Variants in SLC26A8 observed in about 807,000 individuals in gnomAD.
SLC26A8 encodes testis anion transporter 1.
Under a neutral mutation model 105.0 loss-of-function variants are expected in SLC26A8, and 70 were observed. That is an observed-to-expected ratio of 0.67 (90% confidence interval 0.55 to 0.81). SLC26A8 has a LOEUF of 0.81. SLC26A8 is among the 40% of genes least tolerant of loss of function. SLC26A8 has a pLI of 0.00. For synonymous variants in SLC26A8, 415 were observed against 438.3 expected, an observed-to-expected ratio of 0.95 and a Z score of 0.66; for missense variants, 998 against 1,181.8, an observed-to-expected ratio of 0.84 and a Z score of 2.28.
chr6:35,981,018 A>G lies in SLC26A8; in HGVS notation c.1025+1103T>C, dbSNP rs780805043. On this transcript the variant is annotated intron_variant, in intron 8 of 19. Transcript: ENST00000490799. The surrounding 1 kb of genome is among the most constrained non-coding windows in gnomAD (Gnocchi z 4.0). ...AGAGCAAGACTTGTCTCAAAAAGAAAAAAAAAAGCCTACATTTTGTGATCC... is the reference window on the plus strand; with the variant it reads ...AGAGCAAGACTTGTCTCAAAAAGAAGAAAAAAAGCCTACATTTTGTGATCC... 9.9e-5 allele frequency among the ~76,000 whole-genome samples: 15 copies of G among 152,034 alleles called. No homozygotes were observed. The highest frequency in any genetic ancestry group is 1.9e-4 in the Non-Finnish European group (13 of 67,982).
chr6:35,960,866 TA>T lies in SLC26A8; in HGVS notation c.1614del (p.Tyr538Ter). 6.2e-7 allele frequency: 1 copy of T among 1,614,186 alleles called. No individual in the cohort carries two copies. Among genetic ancestry groups the T allele is most frequent in the Non-Finnish European group, 8.5e-7 (1 of 1,180,042 alleles). On this transcript the variant is annotated frameshift_variant, in exon 14 of 20. Transcript: ENST00000490799. LOFTEE classifies it high-confidence loss of function. ...ACCTCCCGATAATCATTGATGCTTC[TA>T]TAAATGTTGGTGTTAGGGATTTGAC... The part of the protein sequence containing the change: ...LLGQIPNTNI[Y>X]RSINDYREII...
chr6:35,944,296 G>A lies in SLC26A8; in HGVS notation c.2517C>T (p.Ser839=). Residue 839 remains serine, a synonymous_variant, in exon 20 of 20, where the codon AGC becomes AGT. Coordinates refer to ENST00000490799, the MANE Select transcript of SLC26A8 (RefSeq NM_052961.4). ...TGAAGCCTGGACTTACATTTTTTTG[G>A]CTTCCTAGAAAACTGCTGCTCATTT... ...RYKMSSSFLG[S]QKNVSPGFIK... is the part of the protein sequence containing the mutation. The A allele has an allele frequency of 5.0e-6, 8 of 1,613,686 alleles. No homozygotes were observed. Among genetic ancestry groups the A allele is most frequent in the Non-Finnish European group, 6.8e-6 (8 of 1,179,894 alleles).
Position 35,992,746 on chromosome 6 carries a change from G to T in SLC26A8, c.628-72C>A, listed in dbSNP as rs1761210497. The T allele has an allele frequency of 3.5e-6, 5 of 1,445,854 alleles. No homozygotes were observed. In the East Asian group the frequency reaches 1.2e-4, roughly 34 times the overall value. 89.6% of individuals were successfully genotyped at this position (1,445,854 alleles called of 1,614,324 possible). ...GCAATGGCACCAATGGCACTCTCCA[G>T]GAAAAGAAGGGTTTCCAATAGAAAA... On this transcript the variant is annotated intron_variant, in intron 5 of 19. Coordinates refer to ENST00000490799, the MANE Select transcript of SLC26A8 (RefSeq NM_052961.4).
At chr6:35,992,734 T>C in intron 5 of SLC26A8, 60 bp from the exon 6 acceptor site, 4 of 1,497,414 alleles carry the variant, frequency 2.7e-6, no homozygotes, top group Non-Finnish European at 3.6e-6. Context: ...ATGGCACCAA[T>C]GGCACTCTCC....
chr6:36,020,057 C>G lies in SLC26A8; in HGVS notation c.-2-348G>C, dbSNP rs73729672. 9.3e-3 allele frequency among the ~76,000 whole-genome samples: 1,410 copies of G among 152,304 alleles called. 17 individuals carry two copies. Among genetic ancestry groups the G allele is most frequent in the African/African-American group, 0.032 (1,334 of 41,560 alleles). ...GTGGACAGTATTAATCAACAATTTT[C>G]ACTGAAAATGCTCACTATCCAGCAT... On this transcript the variant is annotated intron_variant, in intron 1 of 19. Transcript: ENST00000490799.
Position 36,019,903 on chromosome 6 carries a change from AC to A in SLC26A8, c.-2-195del, listed in dbSNP as rs1762090017. Among the ~76,000 whole-genome samples the A allele has an allele frequency of 2.0e-5, 3 of 152,180 alleles. No individual in the cohort carries two copies. The South Asian group carries it at 6.2e-4, about 32-fold the overall frequency. ...TCATTTTTCAAATGGAGACAACAAA[AC>A]CCAGAAGTTTAAACAGTCTTTGCTG... On this transcript the variant is annotated intron_variant, in intron 1 of 19. Transcript: ENST00000490799.
intron 3 of SLC26A8, among the ~76,000 whole-genome samples, chr6:36,006,662 A>T (rs550794601): frequency 6.6e-6 from 1 of 152,344 alleles, no homozygotes; most frequent in South Asian, 2.1e-4. Flanking sequence ...TTGCAGCACC[A>T]TAGGAATATG....
Position 35,943,684 on chromosome 6 carries a change from G to T in SLC26A8, c.*216C>A. ...CTGAAGGTGAAATGAGGGGAGCCTG[G>T]ATAGGGAATTCAGAGATAATTGTTG... On this transcript the variant is annotated 3_prime_UTR_variant, in exon 20 of 20. Coordinates refer to ENST00000490799, the MANE Select transcript of SLC26A8 (RefSeq NM_052961.4). 3 of 618,038 alleles carry T rather than the reference G, an allele frequency of 4.9e-6. No individual in the cohort carries two copies. Among genetic ancestry groups the T allele is most frequent in the Non-Finnish European group, 8.0e-6 (3 of 373,692 alleles). The allele number at this position is 618,038 out of a possible 1,614,324, so 38.3% of individuals were successfully genotyped here. A position where few individuals can be genotyped will look rare whatever the true frequency, so the allele number is the denominator to read the frequency against.
At chr6:35,989,272 G>A (rs541029629) in intron 7 of SLC26A8, among the ~76,000 whole-genome samples, 4 of 152,042 alleles carry the variant, frequency 2.6e-5, no homozygotes, top group Non-Finnish European at 5.9e-5. Context: ...TTTCCACATG[G>A]GCAGCCACTA....
intron 19 of SLC26A8, among the ~76,000 whole-genome samples, chr6:35,948,568 G>A (rs1057236058): frequency 3.9e-5 from 6 of 152,038 alleles, no homozygotes; most frequent in East Asian, 1.9e-4. Context: ...CAGACTGGGC[G>A]ACAAAGTGAG....
intron 17 of SLC26A8, among the ~76,000 whole-genome samples, chr6:35,951,929 T>A (rs747258087): frequency 1.3e-5 from 2 of 152,196 alleles, no homozygotes; most frequent in Non-Finnish European, 2.9e-5. Flanking sequence ...GGGGTATATG[T>A]ACCTTGCATC....
chr6:35,987,809 G>A (rs1242621257), intron 7 of SLC26A8, among the ~76,000 whole-genome samples: 8 of 152,046 alleles, frequency 5.3e-5, no homozygotes, highest in Non-Finnish European at 1.0e-4. Flanking sequence ...AGGTGCAGGG[G>A]ACACATGATT....
At chr6:36,018,490 G>A (rs1239220514) in intron 2 of SLC26A8, among the ~76,000 whole-genome samples, 1 of 152,162 alleles carries the variant, frequency 6.6e-6, no homozygotes, top group African/African-American at 2.4e-5. Flanking sequence ...AAGCAGAAGA[G>A]AGGTTACTTG....
chr6:35,970,314 A>C (rs1430194032), intron 10 of SLC26A8, among the ~76,000 whole-genome samples: 1 of 152,228 alleles, frequency 6.6e-6, no homozygotes, highest in Non-Finnish European at 1.5e-5. Context: ...ATTGCCGAAA[A>C]TAATAGCAAT....
At chr6:36,023,162 T>TATCCATCC (rs68186703) in intron 1 of SLC26A8, among the ~76,000 whole-genome samples, 48,448 of 142,858 alleles carry the variant, frequency 0.34, 8,482 homozygotes, top group South Asian at 0.42. Context: ...ATAGTACCCT[T>TATCCATCC]ATCCATCCAT....
intron 7 of SLC26A8, among the ~76,000 whole-genome samples, chr6:35,986,689 T>G (rs1337341130): frequency 6.6e-6 from 1 of 152,200 alleles, no homozygotes; most frequent in African/African-American, 2.4e-5. Flanking sequence ...CTTCTTTTTA[T>G]TTTTTATTTT....
chr6:35,978,905 C>T (rs1562040887), intron 8 of SLC26A8, among the ~76,000 whole-genome samples: 2 of 148,312 alleles, frequency 1.3e-5, no homozygotes, highest in African/African-American at 2.5e-5. Flanking sequence ...AGTGCAGTGG[C>T]GTGATCATGG....
chr6:35,989,170 C>T (rs866059569), intron 7 of SLC26A8, among the ~76,000 whole-genome samples: 1 of 152,060 alleles, frequency 6.6e-6, no homozygotes, highest in Non-Finnish European at 1.5e-5. Context: ...ATTTATACGC[C>T]AGGTAACTGC....
chr6:35,997,640 G>T, intron 5 of SLC26A8, 98 bp downstream of exon 5: 3 of 1,189,310 alleles, frequency 2.5e-6, no homozygotes, highest in Non-Finnish European at 3.5e-6. Flanking sequence ...GAAGTTCCAG[G>T]TATATCACAG....
Sources: allele counts gnomAD v4.1 joint callset (sites outside exome capture counted in the v4.1 genomes callset), GRCh38; gene constraint gnomAD v4.1.1; non-coding constraint Gnocchi (gnomAD v3.1); transcripts MANE v1.5; gene names NCBI Gene and HGNC (gene_info 2026-07-23, HGNC 2026-07-21).